The following POU6F2 variants were observed in gnomAD, a reference collection of about 807,000 sequenced individuals.
POU6F2 encodes the protein POU domain, class 6, transcription factor 2.
In POU6F2, 31 loss-of-function variants were observed where a neutral mutation model predicts 71.3. The observed-to-expected ratio is 0.43, with a 90% CI of 0.33 to 0.59. The LOEUF is 0.59. POU6F2 is among the 20% of genes least tolerant of loss of function. POU6F2 has a pLI of 0.04. For missense variants in POU6F2, 783 were observed against 856.8 expected, an observed-to-expected ratio of 0.91 and a Z score of 1.07; for synonymous variants, 347 against 355.7, an observed-to-expected ratio of 0.98 and a Z score of 0.27.
intron 1 of POU6F2, among the ~76,000 whole-genome samples, chr7:39,082,189 A>G (rs1304324185): frequency 6.6e-6 from 1 of 152,064 alleles, no homozygotes; most frequent in Non-Finnish European, 1.5e-5. Flanking sequence ...TTTTGTTGTG[A>G]TTTTGCTAAT....
At chr7:39,008,464 T>C (rs1222802986) in intron 1 of POU6F2, among the ~76,000 whole-genome samples, 5 of 150,090 alleles carry the variant, frequency 3.3e-5, no homozygotes, top group Admixed American at 6.6e-5. Context: ...TTCTCCCATT[T>C]TGTAGGTTGC....
intron 1 of POU6F2, among the ~76,000 whole-genome samples, chr7:39,040,176 C>G (rs1305169228): frequency 8.7e-6 from 1 of 114,960 alleles, no homozygotes; most frequent in Non-Finnish European, 1.8e-5. Flanking sequence ...ATCCAGATAA[C>G]TGCACTTTAC....
At chr7:39,372,394 A>T (rs1248931433) in intron 5 of POU6F2, among the ~76,000 whole-genome samples, 1 of 152,232 alleles carries the variant, frequency 6.6e-6, no homozygotes, top group Non-Finnish European at 1.5e-5. Context: ...CCAGAGAAAA[A>T]GGATCAATAG....
chr7:39,268,040 T>G (rs898960765), intron 4 of POU6F2, among the ~76,000 whole-genome samples: 3 of 152,184 alleles, frequency 2.0e-5, no homozygotes. Context: ...GACAAGCTTC[T>G]CCTTAAAATA....
chr7:39,402,034 A>G (rs1411736286), intron 5 of POU6F2, among the ~76,000 whole-genome samples: 1 of 152,264 alleles, frequency 6.6e-6, no homozygotes, highest in Non-Finnish European at 1.5e-5. Flanking sequence ...TAATAGAATC[A>G]TATAATCAGC....
intron 4 of POU6F2, among the ~76,000 whole-genome samples, chr7:39,312,587 G>A (rs1785186715): frequency 6.6e-6 from 1 of 152,172 alleles, no homozygotes; most frequent in East Asian, 1.9e-4. Flanking sequence ...AACCCTCTAT[G>A]TACTATGTTT....
At chr7:39,212,417 G>A (rs1274076561) in intron 4 of POU6F2, among the ~76,000 whole-genome samples, 1 of 152,164 alleles carries the variant, frequency 6.6e-6, no homozygotes, top group Non-Finnish European at 1.5e-5. Context: ...AGCTCTGGGT[G>A]GGATTCAGAA....
intron 5 of POU6F2, among the ~76,000 whole-genome samples, chr7:39,400,188 G>C (rs1306033864): frequency 6.6e-6 from 1 of 152,184 alleles, no homozygotes; most frequent in African/African-American, 2.4e-5. Context: ...CACCTCATTA[G>C]CATAAAGTTG....
intron 4 of POU6F2, among the ~76,000 whole-genome samples, chr7:39,249,316 T>C (rs11770037): frequency 0.13 from 19,747 of 152,196 alleles, 1,304 homozygotes; most frequent in African/African-American, 0.16. Flanking sequence ...CTATTAGCAT[T>C]TTAAACCTGG....
chr7:39,009,039 G>A (rs1296883557), intron 1 of POU6F2, among the ~76,000 whole-genome samples: 1 of 152,140 alleles, frequency 6.6e-6, no homozygotes, highest in Non-Finnish European at 1.5e-5. Flanking sequence ...CTTTAAAGTC[G>A]TTTTTTCCAA....
At chr7:39,091,720 A>C (rs1791365862) in intron 2 of POU6F2, among the ~76,000 whole-genome samples, 1 of 152,190 alleles carries the variant, frequency 6.6e-6, no homozygotes, top group Non-Finnish European at 1.5e-5. Flanking sequence ...GCCCTTAAGA[A>C]GATTGCTTTC....
intron 4 of POU6F2, among the ~76,000 whole-genome samples, chr7:39,209,598 G>A (rs1794097804): frequency 2.6e-5 from 4 of 152,172 alleles, no homozygotes; most frequent in Admixed American, 2.6e-4. Flanking sequence ...CTAACGAGAA[G>A]TTCAAGGGCA....
intron 4 of POU6F2, among the ~76,000 whole-genome samples, chr7:39,337,063 T>C (rs534219534): frequency 6.6e-5 from 10 of 152,226 alleles, no homozygotes; most frequent in Non-Finnish European, 1.2e-4. Context: ...AGGGGTTTAC[T>C]GAGGAAACTT....
chr7:39,031,524 C>T (rs1789941849), intron 1 of POU6F2, among the ~76,000 whole-genome samples: 1 of 152,062 alleles, frequency 6.6e-6, no homozygotes. Flanking sequence ...ATTTACCCAC[C>T]AGCCTTCATT....
At chr7:39,207,232 A>C (rs1035074599) in intron 3 of POU6F2, among the ~76,000 whole-genome samples, 160 bp from the exon 4 acceptor site, 1 of 152,208 alleles carries the variant, frequency 6.6e-6, no homozygotes, top group East Asian at 1.9e-4. Context: ...CAACTTTGAA[A>C]ATTTTTTTCT....
chr7:39,265,446 T>C (rs948317636), intron 4 of POU6F2, among the ~76,000 whole-genome samples: 1 of 152,226 alleles, frequency 6.6e-6, no homozygotes, highest in African/African-American at 2.4e-5. Flanking sequence ...ATTACTTATG[T>C]TTGGCTCATT....
rs1789115628 is a variant in POU6F2 at position 39,468,138 on chromosome 7, T to C, written c.*3452T>C. The C allele has an allele frequency of 6.6e-6, 1 of 152,170 alleles. No homozygotes were observed. Among genetic ancestry groups the C allele is most frequent in the Non-Finnish European group, 1.5e-5 (1 of 68,032 alleles). The allele number at this position is 152,170 out of a possible 1,614,324, so 9.4% of individuals were successfully genotyped here. A position where few individuals can be genotyped will look rare whatever the true frequency, so the allele number is the denominator to read the frequency against. On this transcript the variant is annotated 3_prime_UTR_variant, in exon 10 of 10. Coordinates refer to ENST00000518318, the MANE Select transcript of POU6F2 (RefSeq NM_001370959.1). ...AGCTTTTTGTCATGTGATTTGCTTG[T>C]CTTCAACTTGAAATTATGTGAGGCA...
At chr7:39,432,833 T>A (rs968381216) in intron 6 of POU6F2, among the ~76,000 whole-genome samples, 19 of 152,030 alleles carry the variant, frequency 1.2e-4, no homozygotes, top group African/African-American at 4.6e-4. Flanking sequence ...AACAGATGCT[T>A]GATTTTATTT....
At chr7:38,992,397 C>T (rs913949262) in intron 1 of POU6F2, among the ~76,000 whole-genome samples, 5 of 152,198 alleles carry the variant, frequency 3.3e-5, no homozygotes, top group African/African-American at 1.2e-4. Flanking sequence ...CTTATTCATA[C>T]TGCATAACAC....
Sources: gnomAD v4.1 joint callset for allele counts (sites outside exome capture counted in the v4.1 genomes callset) on GRCh38, gnomAD v4.1.1 for gene constraint, MANE v1.5 for transcripts, NCBI Gene and HGNC (gene_info 2026-07-23, HGNC 2026-07-21) for gene names.